Variants in FRY observed in about 807,000 individuals in gnomAD.
The protein encoded by FRY is FRY microtubule binding protein.
FRY carries 128 observed loss-of-function variants against 348.4 expected under a neutral mutation model. That is an observed-to-expected ratio of 0.37 (90% CI 0.32 to 0.43). FRY has a LOEUF of 0.43. Ranked by LOEUF, FRY falls within the 20% of genes least tolerant of loss-of-function variation. The pLI is 1.00. For synonymous variants in FRY, 1,370 were observed against 1,374.7 expected, an observed-to-expected ratio of 1.00 and a Z score of 0.08; for missense variants, 2,736 against 3,695.2, an observed-to-expected ratio of 0.74 and a Z score of 6.73.
Position 32,065,162 on chromosome 13 carries a change from T to TA in FRY, c.71-13666dup, listed in dbSNP as rs574022588. ...CTTTTTATAAATGAGTCTTATCTTT[T>TA]AAAAAATATTTATTATGAAGTGTTA... On this transcript the variant is annotated intron_variant, in intron 1 of 60. Coordinates refer to ENST00000542859, the MANE Select transcript of FRY (RefSeq NM_023037.3). Among the ~76,000 whole-genome samples the TA allele has an allele frequency of 1.1e-4, 16 of 152,320 alleles. No individual in the cohort carries two copies. In the South Asian group the frequency reaches 3.1e-3, roughly 30 times the overall value.
chr13:32,130,961 G>C (rs1424756677), intron 7 of FRY, among the ~76,000 whole-genome samples: 1 of 151,902 alleles, frequency 6.6e-6, no homozygotes, highest in Non-Finnish European at 1.5e-5. Flanking sequence ...GATTACAGGT[G>C]CGTGCCACCA....
At chr13:32,260,908 A>T (rs1302827443) in intron 51 of FRY, among the ~76,000 whole-genome samples, 1 of 152,240 alleles carries the variant, frequency 6.6e-6, no homozygotes, top group Non-Finnish European at 1.5e-5. Context: ...AGGCAGGTGG[A>T]TCATGAGGTC....
rs116114739 is a variant in FRY, at chr13:32,111,743, C to G, written c.325-5591C>G. ...AGGGTTGTGTCCATTTGTCACAACC[C>G]ACTTATATTTGGACTCAACACTTTT... On this transcript the variant is annotated intron_variant, in intron 3 of 60. Coordinates refer to ENST00000542859, the MANE Select transcript of FRY (RefSeq NM_023037.3). Among the ~76,000 whole-genome samples the G allele has an allele frequency of 6.3e-3, 953 of 152,256 alleles. 8 individuals carry two copies. The highest frequency in any genetic ancestry group is 0.022 in the African/African-American group (897 of 41,538).
At chr13:32,093,873 T>G (rs1038941298) in intron 2 of FRY, among the ~76,000 whole-genome samples, 1 of 152,232 alleles carries the variant, frequency 6.6e-6, no homozygotes, top group Admixed American at 6.5e-5. Flanking sequence ...CATATTCAAT[T>G]CAATTCATGA....
Position 32,194,288 on chromosome 13 carries a change from G to A in FRY, c.3737G>A (p.Cys1246Tyr), listed in dbSNP as rs943386945. ...SGCFKAIATVCGSRNYPFDIV... is the reference protein window; with the variant it reads ...SGCFKAIATVYGSRNYPFDIV... Reference sequence around the variant, plus strand: ...TGCTTCAAAGCCATAGCAACTGTGTGTGGAAGCAGGTACGAATTTTTATAA... The same window carrying A: ...TGCTTCAAAGCCATAGCAACTGTGTATGGAAGCAGGTACGAATTTTTATAA... The change falls in exon 29 of 61, where the codon TGT (cysteine) becomes TAT (tyrosine). Residue 1246 changes from cysteine to tyrosine, a missense_variant. Cys to Tyr is a radical substitution (Grantham distance 194). This residue lies in a region of FRY where 794 missense variants were observed against 977.0 expected (regional missense o/e 0.81). Transcript: ENST00000542859. 6.2e-7 allele frequency: 1 copy of A among 1,614,160 alleles called. No individual in the cohort carries two copies.
chr13:32,258,709 C>T (rs1887468246), intron 51 of FRY, among the ~76,000 whole-genome samples: 1 of 148,544 alleles, frequency 6.7e-6, no homozygotes, highest in Admixed American at 6.6e-5. Context: ...TAAAGGCTAT[C>T]TCTATCTTTG....
chr13:32,052,262 T>C lies in FRY; in HGVS notation c.70+20397T>C, dbSNP rs191428980. Reference sequence around the variant, plus strand: ...TGTTATTGAAACAATAAACCAGTATTTCTAATAACTTATTTGTGAATATAT... The same window carrying C: ...TGTTATTGAAACAATAAACCAGTATCTCTAATAACTTATTTGTGAATATAT... On this transcript the variant is annotated intron_variant, in intron 1 of 60. Coordinates refer to ENST00000542859, the MANE Select transcript of FRY (RefSeq NM_023037.3). Among the ~76,000 whole-genome samples the C allele has an allele frequency of 1.8e-4, 27 of 152,374 alleles. No individual in the cohort carries two copies. In the East Asian group the frequency reaches 5.2e-3, roughly 29 times the overall value.
intron 51 of FRY, chr13:32,258,121 G>T: frequency 4.4e-6 from 3 of 679,066 alleles, no homozygotes; most frequent in South Asian, 1.7e-5. Flanking sequence ...GATATAAGAG[G>T]TATTTTTCTT....
chr13:32,034,285 G>A (rs1023016111), intron 1 of FRY, among the ~76,000 whole-genome samples: 3 of 152,044 alleles, frequency 2.0e-5, no homozygotes, highest in Admixed American at 6.6e-5. Context: ...TTTTTAAATG[G>A]CACATTGTGG....
chr13:32,167,555 C>T (rs1204184974), intron 17 of FRY, among the ~76,000 whole-genome samples: 1 of 152,228 alleles, frequency 6.6e-6, no homozygotes, highest in Admixed American at 6.5e-5. Context: ...TAGCTAATTA[C>T]ATCTGCAATG....
chr13:32,105,468 A>G (rs1295924577), intron 3 of FRY, among the ~76,000 whole-genome samples: 1 of 152,238 alleles, frequency 6.6e-6, no homozygotes, highest in African/African-American at 2.4e-5. Flanking sequence ...TGCTGTTTCA[A>G]CCAACAAACT....
Position 32,261,768 on chromosome 13 carries a change from CGAG to C in FRY, c.7578_7580del (p.Glu2526del), listed in dbSNP as rs1254120000. The C allele has an allele frequency of 2.5e-6, 4 of 1,613,952 alleles. No homozygotes were observed. The highest frequency in any genetic ancestry group is 3.4e-6 in the Non-Finnish European group (4 of 1,179,988). Reference sequence around the variant, plus strand: ...ACCATGAGGACTCCGATGAATCATCCGAGGAGGAGGACCTCACAGCCAGCCAGA... The same window carrying C: ...ACCATGAGGACTCCGATGAATCATCCGAGGAGGACCTCACAGCCAGCCAGA... On this transcript the variant is annotated inframe_deletion, in exon 52 of 61. Coordinates refer to ENST00000542859, the MANE Select transcript of FRY (RefSeq NM_023037.3).
chr13:32,173,535 C>G lies in FRY; in HGVS notation c.2320C>G (p.Leu774Val). The G allele has an allele frequency of 6.2e-7, 1 of 1,612,902 alleles. No individual in the cohort carries two copies. Among genetic ancestry groups the G allele is most frequent in the Non-Finnish European group, 8.5e-7 (1 of 1,179,248 alleles). ...LKEIRALFIA[L>V]GQPEDDDRPM... Reference sequence around the variant, plus strand: ...GGAAATTCGAGCGTTGTTTATTGCCCTGGGGCAGCCTGAGGTATGGATTAG... The same window carrying G: ...GGAAATTCGAGCGTTGTTTATTGCCGTGGGGCAGCCTGAGGTATGGATTAG... The change falls in exon 19 of 61, where the codon CTG becomes GTG. Residue 774 changes from leucine (L) to valine (V), a missense_variant. Around this residue, in one of 9 missense-constraint regions of FRY, gnomAD observed 449 missense variants for 576.9 expected, o/e 0.78. Transcript: ENST00000542859.
At chr13:32,039,186 A>G (rs1872659446) in intron 1 of FRY, among the ~76,000 whole-genome samples, 1 of 152,196 alleles carries the variant, frequency 6.6e-6, no homozygotes, top group African/African-American at 2.4e-5. Context: ...TGTAAGAACA[A>G]TTTCAAATAT....
chr13:32,096,858 A>G (rs368436378), intron 2 of FRY, among the ~76,000 whole-genome samples: 9 of 151,486 alleles, frequency 5.9e-5, no homozygotes, highest in African/African-American at 2.2e-4. Context: ...AGTTAAGGAA[A>G]ACTTAGCAAC....
At chr13:32,136,408 T>C (rs9567251) in intron 10 of FRY, among the ~76,000 whole-genome samples, 26,445 of 152,142 alleles carry the variant, frequency 0.17, 2,971 homozygotes, top group East Asian at 0.4. Context: ...TACCAGAAGG[T>C]TGCATGCAAA....
In FRY at chr13:32,235,469, C is replaced by T. The variant is rs1014324060; in HGVS notation, c.5716-609C>T. ...TGAAACCCCTTCTCCACTAAAAATA[C>T]GAAAATTAGCTAGGCGTGGTAGCAC... On this transcript the variant is annotated intron_variant, in intron 42 of 60. Coordinates refer to ENST00000542859, the MANE Select transcript of FRY (RefSeq NM_023037.3). Among the ~76,000 whole-genome samples the T allele has an allele frequency of 2.6e-5, 4 of 152,150 alleles. No homozygotes were observed. The East Asian group carries it at 5.8e-4, about 22-fold the overall frequency.
At chr13:32,090,557 A>G (rs1250341661) in intron 2 of FRY, among the ~76,000 whole-genome samples, 3 of 152,184 alleles carry the variant, frequency 2.0e-5, no homozygotes, top group Non-Finnish European at 4.4e-5. Flanking sequence ...CACACACTGT[A>G]GTAGACACTG....
intron 11 of FRY, among the ~76,000 whole-genome samples, chr13:32,138,196 T>C (rs66505312): frequency 0.16 from 24,482 of 151,854 alleles, 2,161 homozygotes; most frequent in East Asian, 0.38. Flanking sequence ...CCTAGTGTCA[T>C]TTGTTAACTG....
Sources: gnomAD v4.1 joint callset for allele counts (sites outside exome capture counted in the v4.1 genomes callset) on GRCh38, gnomAD v4.1.1 for gene constraint, gnomAD v4.1.1 regional missense constraint, MANE v1.5 for transcripts, NCBI Gene and HGNC (gene_info 2026-07-23, HGNC 2026-07-21) for gene names.